Variants in NEDD1 observed in about 807,000 individuals in gnomAD.
NEDD1 encodes protein NEDD1.
A neutral mutation model predicts 74.0 loss-of-function variants in NEDD1; 33 were observed. The observed-to-expected ratio is 0.45, with a 90% confidence interval of 0.34 to 0.60. The LOEUF (loss-of-function observed/expected upper bound fraction) is 0.60, where lower values mean the gene tolerates loss of function less well. NEDD1 is among the 20% of genes least tolerant of loss of function. The pLI, the probability that NEDD1 is intolerant of heterozygous loss-of-function variation, is 0.01. For synonymous variants in NEDD1, 250 were observed against 264.4 expected, an observed-to-expected ratio of 0.95 and a Z score of 0.53; for missense variants, 746 against 776.5, an observed-to-expected ratio of 0.96 and a Z score of 0.47.
At chr12:96,926,772 C>T (rs1419755686) in intron 6 of NEDD1, among the ~76,000 whole-genome samples, 1 of 152,014 alleles carries the variant, frequency 6.6e-6, no homozygotes, top group East Asian at 1.9e-4. Context: ...GCAGGCAGAT[C>T]ACTTGAGCCC....
chr12:96,942,071 A>G (rs893083801), intron 10 of NEDD1, among the ~76,000 whole-genome samples: 1 of 152,162 alleles, frequency 6.6e-6, no homozygotes, highest in Non-Finnish European at 1.5e-5. Context: ...GATTAAAATA[A>G]TCTTATACAT....
chr12:96,918,648 C>A (rs1337222177), intron 5 of NEDD1, among the ~76,000 whole-genome samples: 2 of 152,178 alleles, frequency 1.3e-5, no homozygotes. Flanking sequence ...AGTGGGAAAT[C>A]TAATCTTTTA....
rs1046061912 is a variant in NEDD1, at chr12:96,933,322, G to A, written c.490-1654G>A. Among the ~76,000 whole-genome samples, 25 of 152,162 alleles carry A rather than the reference G, an allele frequency of 1.6e-4. 2 individuals carry two copies. Among genetic ancestry groups the A allele is most frequent in the Admixed American group, 8.5e-4 (13 of 15,288 alleles). On this transcript the variant is annotated intron_variant, in intron 6 of 15. Coordinates refer to ENST00000266742, the MANE Select transcript of NEDD1 (RefSeq NM_152905.4). ...TCTAAATTTAGATCATGTGAAGGAC[G>A]ATAACTATATGAACTCCTAAAGTGC...
chr12:96,943,344 C>T (rs534232594), intron 11 of NEDD1, among the ~76,000 whole-genome samples: 1 of 152,262 alleles, frequency 6.6e-6, no homozygotes, highest in Admixed American at 6.5e-5. Context: ...TGGATATCAT[C>T]ATTTACATTT....
At chr12:96,918,735 C>G (rs1207354741) in intron 5 of NEDD1, among the ~76,000 whole-genome samples, 2 of 152,162 alleles carry the variant, frequency 1.3e-5, no homozygotes, top group East Asian at 3.8e-4. Flanking sequence ...TAAATGTTTG[C>G]TGAATGACTT....
intron 6 of NEDD1, among the ~76,000 whole-genome samples, chr12:96,926,139 A>G (rs1386030387): frequency 6.6e-6 from 1 of 152,136 alleles, no homozygotes; most frequent in Non-Finnish European, 1.5e-5. Flanking sequence ...TTTAATGAAT[A>G]CCAATCCATT....
chr12:96,910,617 T>C (rs1347996567), intron 3 of NEDD1, among the ~76,000 whole-genome samples: 1 of 152,198 alleles, frequency 6.6e-6, no homozygotes, highest in African/African-American at 2.4e-5. Context: ...TGTGGACCTT[T>C]CCTGTATGTT....
At chr12:96,946,138 G>A (rs984225504) in intron 14 of NEDD1, among the ~76,000 whole-genome samples, 16 of 152,036 alleles carry the variant, frequency 1.1e-4, no homozygotes, top group Admixed American at 1.0e-3. Flanking sequence ...GACAAGTTCT[G>A]GTAAGCTTAA....
intron 6 of NEDD1, among the ~76,000 whole-genome samples, chr12:96,930,211 A>ACACTCTCTCTCT (rs1416917962): frequency 2.2e-5 from 2 of 89,242 alleles, no homozygotes; most frequent in Non-Finnish European, 4.2e-5. Flanking sequence ...ACACACACAC[A>ACACTCTCTCTCT]CTCTCTCTCT....
intron 6 of NEDD1, among the ~76,000 whole-genome samples, chr12:96,931,592 A>G (rs2136568275): frequency 6.6e-6 from 1 of 152,320 alleles, no homozygotes; most frequent in East Asian, 1.9e-4. Context: ...TTTTTCATAA[A>G]TTAACAGTTT....
intron 4 of NEDD1, among the ~76,000 whole-genome samples, chr12:96,913,082 G>A (rs1874087236): frequency 6.6e-6 from 1 of 152,246 alleles, no homozygotes; most frequent in South Asian, 2.1e-4. Flanking sequence ...TTCCCTCAGT[G>A]GGAGAGGATC....
chr12:96,929,590 C>T (rs866150451), intron 6 of NEDD1, among the ~76,000 whole-genome samples: 1 of 60,846 alleles, frequency 1.6e-5, no homozygotes, highest in Admixed American at 2.2e-4. Context: ...CACACACACA[C>T]ACACACACAC....
intron 4 of NEDD1, among the ~76,000 whole-genome samples, chr12:96,916,519 T>C (rs1045307907): frequency 1.4e-5 from 2 of 139,200 alleles, no homozygotes; most frequent in East Asian, 2.1e-4. Flanking sequence ...GGTTTTTTGT[T>C]CTTGCGATAG....
Position 96,943,760 on chromosome 12 carries a change from C to G in NEDD1, c.1495C>G (p.Gln499Glu), listed in dbSNP as rs1242987454. Residue 499 changes from glutamine to glutamate, a missense_variant and splice_region_variant, in exon 12 of 16, where the codon CAG becomes GAG. Gln to Glu is a conservative substitution (Grantham distance 29, BLOSUM62 2). Coordinates refer to ENST00000266742, the MANE Select transcript of NEDD1 (RefSeq NM_152905.4). ...ACAGGAATCTAAAGACTCCTTCAAACAGGTATTTGCCTGAAAATGATACTG... is the reference window on the plus strand; with the variant it reads ...ACAGGAATCTAAAGACTCCTTCAAAGAGGTATTTGCCTGAAAATGATACTG... The part of the protein sequence containing the change: ...GKQESKDSFK[Q>E]LAKLVTSGAE... The G allele has an allele frequency of 1.9e-6, 3 of 1,596,542 alleles. No individual in the cohort carries two copies. The highest frequency in any genetic ancestry group is 1.3e-5 in the African/African-American group (1 of 74,394).
At chr12:96,934,188 C>T (rs1876843902) in intron 6 of NEDD1, among the ~76,000 whole-genome samples, 1 of 148,134 alleles carries the variant, frequency 6.8e-6, no homozygotes, top group African/African-American at 2.5e-5. Context: ...ATATAGAAAA[C>T]AAATACAAAA....
chr12:96,929,360 T>A (rs1223040651), intron 6 of NEDD1, among the ~76,000 whole-genome samples: 1 of 40,244 alleles, frequency 2.5e-5, no homozygotes, highest in Non-Finnish European at 4.8e-5. Flanking sequence ...CTTGTATTTT[T>A]TTTTTCCTTA....
intron 6 of NEDD1, 70 bp downstream of exon 6, chr12:96,920,195 G>T: frequency 1.1e-6 from 1 of 951,078 alleles, no homozygotes; most frequent in Non-Finnish European, 1.5e-6. Flanking sequence ...ATAAGACTGT[G>T]AATTTAAGTT....
At position 96,932,488 on chromosome 12, in the gene NEDD1, A is replaced by AT. The variant is rs869107212; in HGVS notation, c.490-2488_490-2487insT. Among the ~76,000 whole-genome samples the AT allele has an allele frequency of 9.0e-4, 75 of 82,898 alleles. 2 individuals are homozygous for AT. The highest frequency in any genetic ancestry group is 5.1e-3 in the Middle Eastern group (1 of 198). 54.4% of individuals were successfully genotyped at this position (82,898 alleles called of 152,430 possible). A position where few individuals can be genotyped will look rare whatever the true frequency, so the allele number is the denominator to read the frequency against. On this transcript the variant is annotated intron_variant, in intron 6 of 15. Transcript: ENST00000266742. ...AATATATATATATATATATATATAT[A>AT]AAATGCACACACACAAGTAAATATA...
At position 96,937,299 on chromosome 12, in the gene NEDD1, C is replaced by T; in HGVS notation, c.1023C>T (p.Val341=). ...GAGGAGTTCAGAATTCCGGAATTGT[C>T]AGAGAAGCACCTGCCACGTCCATTG... The part of the protein sequence containing the change: ...ASGGVQNSGI[V]REAPATSIAT... The change falls in exon 9 of 16, where the codon GTC becomes GTT. Residue 341 remains valine (V), a synonymous_variant. Transcript: ENST00000266742. The T allele has an allele frequency of 6.2e-7, 1 of 1,612,480 alleles. No homozygotes were observed. The highest frequency in any genetic ancestry group is 8.5e-7 in the Non-Finnish European group (1 of 1,178,960).
Sources: gnomAD v4.1 joint callset for allele counts (sites outside exome capture counted in the v4.1 genomes callset) on GRCh38, gnomAD v4.1.1 for gene constraint, MANE v1.5 for transcripts, NCBI Gene and HGNC (gene_info 2026-07-23, HGNC 2026-07-21) for gene names.